The following SEMA3A variants were observed in gnomAD, a reference collection of about 807,000 sequenced individuals.
The protein encoded by SEMA3A is semaphorin 3A, also known as semaphorin-3A.
A neutral mutation model predicts 97.9 loss-of-function variants in SEMA3A; 29 were observed. The observed-to-expected ratio is 0.30, with a 90% CI of 0.22 to 0.40. The LOEUF (loss-of-function observed/expected upper bound fraction) is 0.40. Ranked by LOEUF, SEMA3A falls within the 10% of genes least tolerant of loss-of-function variation. The pLI is 1.00. For missense variants in SEMA3A, 763 were observed against 951.3 expected (o/e 0.80, Z 2.60); for synonymous variants, 321 against 323.7 (o/e 0.99, Z 0.09).
chr7:84,037,519 T>C (rs539245888), intron 6 of SEMA3A, among the ~76,000 whole-genome samples: 2 of 152,180 alleles, frequency 1.3e-5, no homozygotes, highest in East Asian at 3.9e-4. Context: ...GTAGAGATTA[T>C]TATTTGGATT....
chr7:84,098,681 A>T (rs1279286757), intron 4 of SEMA3A, among the ~76,000 whole-genome samples: 1 of 152,260 alleles, frequency 6.6e-6, no homozygotes, highest in African/African-American at 2.4e-5. Flanking sequence ...TAATGGATTT[A>T]ACTTGAAATT....
At chr7:84,416,452 C>T (rs1351522128) in intron 1 of SEMA3A, among the ~76,000 whole-genome samples, 2 of 152,074 alleles carry the variant, frequency 1.3e-5, no homozygotes, top group Admixed American at 6.6e-5. Flanking sequence ...TGGACTAATA[C>T]AAGTATATAC....
chr7:84,352,678 G>A (rs372020655), intron 2 of SEMA3A, among the ~76,000 whole-genome samples: 5 of 151,856 alleles, frequency 3.3e-5, no homozygotes, highest in Admixed American at 1.3e-4. Flanking sequence ...CTTAAGGGCC[G>A]TAGAATGTCT....
In SEMA3A at chr7:84,046,376, A is replaced by G. The variant is rs548421717; in HGVS notation, c.615T>C (p.Leu205=). Residue 205 remains leucine (L), a synonymous_variant, in exon 6 of 17, where the codon CTT becomes CTC. Coordinates refer to ENST00000265362, the MANE Select transcript of SEMA3A (RefSeq NM_006080.3). ...CTGTCCTGATTGGGTGGTGGTGCCC[A>G]AGAGTTCGGAAGATAGCAAAGTCTC... The part of the protein sequence containing the change: ...MGRDFAIFRT[L]GHHHPIRTEQ... 1 of 1,613,256 alleles carries G rather than the reference A, an allele frequency of 6.2e-7. No homozygotes were observed. Among genetic ancestry groups the G allele is most frequent in the African/African-American group, 1.3e-5 (1 of 74,968 alleles).
intron 7 of SEMA3A, among the ~76,000 whole-genome samples, chr7:84,011,520 G>T (rs1790871987): frequency 6.6e-6 from 1 of 151,992 alleles, no homozygotes; most frequent in South Asian, 2.1e-4. Flanking sequence ...GATATTTATT[G>T]TGAGTAGTCC....
chr7:84,426,317 T>TAGATAGATAGAC (rs1341699349), intron 1 of SEMA3A, among the ~76,000 whole-genome samples: 5 of 148,616 alleles, frequency 3.4e-5, no homozygotes, highest in Non-Finnish European at 3.0e-5. Context: ...GATAGATAGA[T>TAGATAGATAGAC]AGACAGACAA....
At position 84,229,273 on chromosome 7, in the gene SEMA3A, A is replaced by T. The variant is rs189798484; in HGVS notation, c.-82-34605T>A. ...GACATTCATTCACCATGAACAATTA[A>T]AAAGCATTTTTAAAAGTTTAATATA... On this transcript the variant is annotated intron_variant, in intron 3 of 3. Transcript: ENST00000424555. Among the ~76,000 whole-genome samples the T allele has an allele frequency of 6.7e-3, 1,017 of 152,294 alleles. 11 individuals carry two copies. The highest frequency in any genetic ancestry group is 0.023 in the African/African-American group (958 of 41,578).
Position 84,153,955 on chromosome 7 carries a change from T to C in SEMA3A, c.113-19004A>G, listed in dbSNP as rs540132613. On this transcript the variant is annotated intron_variant, in intron 1 of 16. Coordinates refer to ENST00000265362, the MANE Select transcript of SEMA3A (RefSeq NM_006080.3). ...TTTATGGAGACGTTCCATAAAACAC[T>C]AGTTCCTTTTGATGTTCAATGGAAT... Among the ~76,000 whole-genome samples the C allele has an allele frequency of 2.0e-5, 3 of 152,196 alleles. No homozygotes were observed. In the East Asian group the frequency reaches 5.8e-4, roughly 29 times the overall value.
At chr7:84,141,202 A>C (rs1343263642) in intron 1 of SEMA3A, among the ~76,000 whole-genome samples, 1 of 152,108 alleles carries the variant, frequency 6.6e-6, no homozygotes, top group Non-Finnish European at 1.5e-5. Context: ...GGTGATGCCG[A>C]GTATATTCTC....
At chr7:84,069,074 C>T (rs771120713) in intron 4 of SEMA3A, among the ~76,000 whole-genome samples, 1 of 151,970 alleles carries the variant, frequency 6.6e-6, no homozygotes, top group African/African-American at 2.4e-5. Flanking sequence ...ATTTCCTTTC[C>T]AGTCTAGTGA....
intron 1 of SEMA3A, among the ~76,000 whole-genome samples, chr7:84,473,965 G>T (rs536648716): frequency 1.4e-4 from 21 of 152,146 alleles, no homozygotes; most frequent in African/African-American, 4.6e-4. Context: ...TCAGGATCTT[G>T]TTGAAGATCT....
intron 10 of SEMA3A, among the ~76,000 whole-genome samples, chr7:84,006,360 TAATA>T (rs1790666847): frequency 6.6e-6 from 1 of 152,030 alleles, no homozygotes; most frequent in Non-Finnish European, 1.5e-5. Context: ...TTGAGATATG[TAATA>T]AATAAAATAA....
intron 6 of SEMA3A, 51 bp from the exon 7 acceptor site, chr7:84,014,402 AC>A: frequency 7.2e-7 from 1 of 1,391,200 alleles, no homozygotes; most frequent in Non-Finnish European, 9.8e-7. Context: ...AATAAATAAT[AC>A]CATTCTGAAC....
At chr7:84,369,776 A>G (rs1802932625) in intron 2 of SEMA3A, among the ~76,000 whole-genome samples, 1 of 149,436 alleles carries the variant, frequency 6.7e-6, no homozygotes, top group African/African-American at 2.4e-5. Context: ...ATTTATATAT[A>G]TAATAAAAAT....
At chr7:84,093,129 G>A (rs1310228462) in intron 4 of SEMA3A, among the ~76,000 whole-genome samples, 1 of 152,000 alleles carries the variant, frequency 6.6e-6, no homozygotes, top group Admixed American at 6.6e-5. Flanking sequence ...AACTGGCTGG[G>A]GACATTTATT....
At chr7:84,427,080 G>T (rs564533796) in intron 1 of SEMA3A, among the ~76,000 whole-genome samples, 1 of 151,960 alleles carries the variant, frequency 6.6e-6, no homozygotes, top group Non-Finnish European at 1.5e-5. Context: ...TAATGTTAAC[G>T]CAATTCTGGG....
intron 3 of SEMA3A, among the ~76,000 whole-genome samples, chr7:84,211,825 G>T (rs1332345658): frequency 6.6e-6 from 1 of 152,158 alleles, no homozygotes; most frequent in Non-Finnish European, 1.5e-5. Flanking sequence ...AAGCTCACAT[G>T]CCAGAGACAA....
In SEMA3A at chr7:83,961,798, G is replaced by A. The variant is rs539009187; in HGVS notation, c.1889C>T (p.Thr630Ile). Residue 630 changes from threonine (T) to isoleucine (I), a missense_variant, in exon 17 of 17, where the codon ACA becomes ATA. Thr to Ile is a moderately conservative substitution (Grantham distance 89, BLOSUM62 -1). Transcript: ENST00000265362. ...ACTACGTAGCAGAAGGCCTTGATCT[G>A]TCCTGATGATATGATCATCCACTCT... ...EIRVDDHIIR[T>I]DQGLLLRSLQ... 305 of 1,613,474 alleles carry A rather than the reference G, an allele frequency of 1.9e-4. 5 individuals are homozygous for A. The South Asian group carries it at 3.2e-3, about 17-fold the overall frequency.
At chr7:84,443,187 T>G (rs1805315130) in intron 1 of SEMA3A, among the ~76,000 whole-genome samples, 2 of 152,100 alleles carry the variant, frequency 1.3e-5, no homozygotes, top group Non-Finnish European at 2.9e-5. Flanking sequence ...TCTTCTTAAG[T>G]GCACATGGAA....
Sources: allele counts gnomAD v4.1 joint callset (sites outside exome capture counted in the v4.1 genomes callset), GRCh38; gene constraint gnomAD v4.1.1; transcripts MANE v1.5; gene names NCBI Gene and HGNC (gene_info 2026-07-23, HGNC 2026-07-21).